LARP4B: variants seen among roughly 807,000 people sequenced by gnomAD.
LARP4B encodes la-related protein 4B.
In LARP4B, 12 loss-of-function variants were observed where a neutral mutation model predicts 89.8. The observed-to-expected ratio is 0.13, with a 90% CI of 0.09 to 0.22. LARP4B has a LOEUF of 0.22. LARP4B is among the 10% of genes least tolerant of loss of function. The pLI is 1.00. For missense variants in LARP4B, 757 were observed against 947.7 expected (o/e 0.80, Z 2.64); for synonymous variants, 367 against 363.3 (o/e 1.01, Z -0.12).
chr10:945,909 C>T, the LARP4B span, among the ~76,000 whole-genome samples: 38 of 152,142 alleles, frequency 2.5e-4, no homozygotes, highest in Admixed American at 4.6e-4. Context: ...GAAGACACTG[C>T]GAGAAGCTGC....
intron 3 of LARP4B, among the ~76,000 whole-genome samples, chr10:866,171 T>A (rs183679485): frequency 6.6e-6 from 1 of 152,300 alleles, no homozygotes; most frequent in East Asian, 1.9e-4. Flanking sequence ...TAAAACCAGG[T>A]GTTTAAATGA....
the LARP4B span, among the ~76,000 whole-genome samples, chr10:974,123 C>T: frequency 6.6e-6 from 1 of 152,168 alleles, no homozygotes; most frequent in Admixed American, 6.5e-5. Context: ...TCAAACATCA[C>T]ACCTTTTGTG....
the LARP4B span, among the ~76,000 whole-genome samples, chr10:943,155 C>T: frequency 6.6e-6 from 1 of 152,090 alleles, no homozygotes; most frequent in Non-Finnish European, 1.5e-5. Context: ...TCATGTTGCC[C>T]AGGTTGGTCT....
chr10:937,978 G>A, the LARP4B span, among the ~76,000 whole-genome samples: 10 of 151,782 alleles, frequency 6.6e-5, no homozygotes, highest in Middle Eastern at 6.9e-3. Flanking sequence ...TCCACCTCCC[G>A]GGTTCAAGCG....
chr10:869,033 G>A lies in LARP4B; in HGVS notation c.142-4763C>T, dbSNP rs553809179. Among the ~76,000 whole-genome samples the A allele has an allele frequency of 2.0e-5, 3 of 152,188 alleles. No individual in the cohort carries two copies. The East Asian group carries it at 5.8e-4, about 29-fold the overall frequency. On this transcript the variant is annotated intron_variant, in intron 3 of 17. Transcript: ENST00000316157. ...GTTGACATTTATTACAGAATTTCTG[G>A]AAAGATGCTCAAATTAGCTGCCCAT...
In LARP4B at chr10:900,690, G is replaced by A. The variant is rs375648849; in HGVS notation, c.-39-14930C>T. Among the ~76,000 whole-genome samples the A allele has an allele frequency of 1.9e-3, 276 of 146,622 alleles. 2 individuals are homozygous for A. The highest frequency in any genetic ancestry group is 6.6e-3 in the African/African-American group (260 of 39,576). ...GCTGGAGTGCAGTGGCACAATCTCA[G>A]CTCACTGTAACCCCTGCCTCCCGAG... is the stretch of plus-strand genomic sequence containing the variant. On this transcript the variant is annotated intron_variant, in intron 1 of 17. Transcript: ENST00000316157.
At chr10:981,570 T>C in the LARP4B span, among the ~76,000 whole-genome samples, 1 of 152,138 alleles carries the variant, frequency 6.6e-6, no homozygotes, top group Admixed American at 6.6e-5. Context: ...TACTTTTTTT[T>C]TGTTTCGTTT....
upstream of LARP4B, among the ~76,000 whole-genome samples, chr10:932,056 C>T (rs1183346978): frequency 6.6e-6 from 1 of 150,858 alleles, no homozygotes; most frequent in Non-Finnish European, 1.5e-5. Context: ...CCCTGACTTC[C>T]GGAGGGCTGG....
chr10:925,694 T>C (rs946776365), intron 1 of LARP4B, among the ~76,000 whole-genome samples: 1 of 152,074 alleles, frequency 6.6e-6, no homozygotes, highest in Non-Finnish European at 1.5e-5. Flanking sequence ...CCACCACGCC[T>C]GGCTAATTTT....
the LARP4B span, among the ~76,000 whole-genome samples, chr10:982,759 A>G: frequency 4.6e-5 from 7 of 152,138 alleles, no homozygotes; most frequent in Non-Finnish European, 1.0e-4. Context: ...AAATGAGAAT[A>G]GCTTAAAATA....
the LARP4B span, among the ~76,000 whole-genome samples, chr10:956,244 C>T: frequency 6.6e-6 from 1 of 152,184 alleles, no homozygotes; most frequent in Admixed American, 6.5e-5. This position sits in a 1 kb window ranked among gnomAD's most constrained non-coding sequence, Gnocchi z 4.3. Flanking sequence ...CCACAAACTA[C>T]ACAGTTACGT....
chr10:979,767 A>G, the LARP4B span, among the ~76,000 whole-genome samples: 3 of 152,094 alleles, frequency 2.0e-5, no homozygotes, highest in African/African-American at 7.2e-5. Flanking sequence ...GTCAGGAGAT[A>G]GAGACCATCC....
At chr10:964,021 A>G in the LARP4B span, among the ~76,000 whole-genome samples, 4 of 152,198 alleles carry the variant, frequency 2.6e-5, no homozygotes, top group Non-Finnish European at 5.9e-5. Flanking sequence ...AAAAATGTAG[A>G]TGCCCCCATT....
At chr10:928,943 C>T (rs1289115888) in intron 1 of LARP4B, among the ~76,000 whole-genome samples, 1 of 152,164 alleles carries the variant, frequency 6.6e-6, no homozygotes, top group Non-Finnish European at 1.5e-5. Context: ...TAAATATATA[C>T]TTGTCAAAAC....
intron 1 of LARP4B, among the ~76,000 whole-genome samples, chr10:920,383 A>C (rs1297997960): frequency 6.6e-6 from 1 of 152,252 alleles, no homozygotes; most frequent in African/African-American, 2.4e-5. Flanking sequence ...ACCAAATCTC[A>C]GTTGACAAAA....
the LARP4B span, among the ~76,000 whole-genome samples, chr10:964,141 A>T: frequency 2.0e-5 from 3 of 152,312 alleles, no homozygotes; most frequent in Non-Finnish European, 2.9e-5. Flanking sequence ...ATCTCTGCTC[A>T]CTGTAATCTC....
chr10:870,953 T>C (rs1452890841), intron 3 of LARP4B, among the ~76,000 whole-genome samples: 1 of 152,242 alleles, frequency 6.6e-6, no homozygotes, highest in African/African-American at 2.4e-5. Flanking sequence ...ATAACTTTTT[T>C]CTATTTGATT....
Position 884,430 on chromosome 10 carries a change from T to A in LARP4B, c.141+17A>T. The A allele has an allele frequency of 6.5e-7, 1 of 1,547,136 alleles. No homozygotes were observed. The highest frequency in any genetic ancestry group is 1.1e-5 in the South Asian group (1 of 89,628). ...CTGTGATTAAAAAATCTGTGATTAA[T>A]CTCAAAATTGAATTACCTGACTCAA... On this transcript the variant is annotated intron_variant, in intron 3 of 17. Coordinates refer to ENST00000316157, the MANE Select transcript of LARP4B (RefSeq NM_015155.3).
At chr10:909,111 G>C (rs7908870) in intron 1 of LARP4B, among the ~76,000 whole-genome samples, 3 of 151,850 alleles carry the variant, frequency 2.0e-5, no homozygotes, top group South Asian at 4.2e-4. Context: ...TGGCTAACAC[G>C]GTGAAACCCC....
Sources: allele counts gnomAD v4.1 joint callset (sites outside exome capture counted in the v4.1 genomes callset), GRCh38; gene constraint gnomAD v4.1.1; non-coding constraint Gnocchi (gnomAD v3.1); transcripts MANE v1.5; gene names NCBI Gene and HGNC (gene_info 2026-07-23, HGNC 2026-07-21).